The following RGS5 variants were observed in gnomAD, a reference collection of about 807,000 sequenced individuals.
The protein encoded by RGS5 is regulator of G-protein signalling 5.
In RGS5, 20 loss-of-function variants were observed where a neutral mutation model predicts 18.9. That is an observed-to-expected ratio of 1.06 (90% CI 0.74 to 1.54). RGS5 has a LOEUF of 1.54. RGS5 is among the 40% of genes most tolerant of loss of function. The pLI is 0.00. For missense variants in RGS5, 201 were observed against 211.8 expected (o/e 0.95, Z 0.32); for synonymous variants, 57 against 76.2 (o/e 0.75, Z 1.31).
In RGS5 at chr1:163,243,770, T is replaced by TA. The variant is rs1173635052; in HGVS notation, c.-281+62462dup. Among the ~76,000 whole-genome samples, 449 of 134,782 alleles carry TA rather than the reference T, an allele frequency of 3.3e-3. 1 individual carries two copies. Among genetic ancestry groups the TA allele is most frequent in the African/African-American group, 9.6e-3 (349 of 36,476 alleles). The allele number at this position is 134,782 out of a possible 152,430, so 88.4% of individuals were successfully genotyped here. On this transcript the variant is annotated intron_variant, in intron 2 of 5. Transcript: ENST00000618415. Reference sequence around the variant, plus strand: ...TGTATCCCAGAAATTAAAGTAACATTAAAAAAAAAAAAGAAGGAGGAGGCA... The same window carrying TA: ...TGTATCCCAGAAATTAAAGTAACATTAAAAAAAAAAAAAGAAGGAGGAGGCA...
intron 1 of RGS5, among the ~76,000 whole-genome samples, chr1:163,213,647 T>G (rs189932972): frequency 1.3e-5 from 2 of 152,362 alleles, no homozygotes; most frequent in Admixed American, 1.3e-4. Flanking sequence ...ACTCTTTGTT[T>G]ATTTAATCCA....
At chr1:163,187,322 G>T (rs543700000) in intron 1 of RGS5, among the ~76,000 whole-genome samples, 2 of 152,160 alleles carry the variant, frequency 1.3e-5, no homozygotes, top group Non-Finnish European at 2.9e-5. Context: ...GAATGGCTAT[G>T]GCCCCCTAGT....
chr1:163,222,470 T>C (rs1387964138), upstream of RGS5, among the ~76,000 whole-genome samples: 1 of 152,150 alleles, frequency 6.6e-6, no homozygotes, highest in East Asian at 1.9e-4. Flanking sequence ...TCATATCACC[T>C]GACCTCCATA....
At chr1:163,275,923 C>T (rs1648840477) in intron 2 of RGS5, among the ~76,000 whole-genome samples, 1 of 152,074 alleles carries the variant, frequency 6.6e-6, no homozygotes, top group African/African-American at 2.4e-5. Context: ...CCTCCAAATC[C>T]TCCAAATCAA....
chr1:163,304,245 T>G (rs1229219466), intron 2 of RGS5: 1 of 152,182 alleles, frequency 6.6e-6, no homozygotes, highest in East Asian at 1.9e-4. Context: ...CCTGCACTTC[T>G]GGCAGCAATT....
chr1:163,233,679 G>A (rs1647541411), intron 2 of RGS5, among the ~76,000 whole-genome samples: 1 of 152,188 alleles, frequency 6.6e-6, no homozygotes, highest in African/African-American at 2.4e-5. Flanking sequence ...AGGTGGTGGA[G>A]TTAGGAGCAA....
intron 2 of RGS5, among the ~76,000 whole-genome samples, chr1:163,285,292 T>C (rs1313548792): frequency 6.6e-6 from 1 of 152,154 alleles, no homozygotes; most frequent in Non-Finnish European, 1.5e-5. Flanking sequence ...CAGTGGCTCA[T>C]GCCTGTAATC....
intron 1 of RGS5, among the ~76,000 whole-genome samples, chr1:163,191,752 C>T (rs1283076998): frequency 2.0e-5 from 3 of 152,256 alleles, no homozygotes; most frequent in African/African-American, 4.8e-5. Flanking sequence ...AAGAGGACCA[C>T]GTTTTGCTCT....
intron 1 of RGS5, among the ~76,000 whole-genome samples, chr1:163,183,647 A>T (rs1358032953): frequency 6.6e-6 from 1 of 152,238 alleles, no homozygotes; most frequent in African/African-American, 2.4e-5. Flanking sequence ...TTATGCTAAG[A>T]ATTAAATTAG....
intron 3 of RGS5, among the ~76,000 whole-genome samples, chr1:163,155,371 G>C (rs1189366898): frequency 6.6e-6 from 1 of 152,122 alleles, no homozygotes; most frequent in Admixed American, 6.6e-5. Context: ...CCATTTCCTG[G>C]ATACTAATTT....
intron 1 of RGS5, among the ~76,000 whole-genome samples, chr1:163,306,713 T>A (rs1649710430): frequency 6.6e-6 from 1 of 152,158 alleles, no homozygotes. Context: ...ATGACCAATG[T>A]CCTTATTAAA....
At chr1:163,275,479 G>A (rs760512322) in intron 2 of RGS5, among the ~76,000 whole-genome samples, 1 of 152,176 alleles carries the variant, frequency 6.6e-6, no homozygotes, top group Non-Finnish European at 1.5e-5. Flanking sequence ...CTAAAGTCCA[G>A]ATTAAGGGGG....
chr1:163,180,536 C>T (rs1658771190), intron 1 of RGS5, among the ~76,000 whole-genome samples: 3 of 152,032 alleles, frequency 2.0e-5, no homozygotes, highest in Non-Finnish European at 4.4e-5. Context: ...GAGCTGGGCT[C>T]CACCCCAAAG....
At chr1:163,184,579 A>G (rs4132246) in intron 1 of RGS5, among the ~76,000 whole-genome samples, 30,254 of 152,142 alleles carry the variant, frequency 0.2, 3,291 homozygotes, top group African/African-American at 0.29. Flanking sequence ...TGCAGAAGTG[A>G]TAAGTTAAGG....
At chr1:163,182,600 T>G (rs1192762511) in intron 1 of RGS5, among the ~76,000 whole-genome samples, 1 of 152,220 alleles carries the variant, frequency 6.6e-6, no homozygotes, top group African/African-American at 2.4e-5. Flanking sequence ...TATTTCTCTT[T>G]GACCTTAAAT....
chr1:163,219,515 C>G (rs995692516), upstream of RGS5, among the ~76,000 whole-genome samples: 2 of 152,088 alleles, frequency 1.3e-5, no homozygotes, highest in African/African-American at 4.8e-5. Flanking sequence ...TTCACAAGAT[C>G]TAAACCATTT....
intron 3 of RGS5, among the ~76,000 whole-genome samples, chr1:163,154,014 C>T (rs1475528998): frequency 8.5e-5 from 13 of 152,122 alleles, no homozygotes; most frequent in Non-Finnish European, 1.9e-4. Context: ...CACTTTGCCC[C>T]CCAGGGCAGA....
At chr1:163,272,335 T>C (rs969899791) in intron 2 of RGS5, among the ~76,000 whole-genome samples, 18 of 152,130 alleles carry the variant, frequency 1.2e-4, no homozygotes, top group Non-Finnish European at 2.4e-4. Context: ...ACTTTGCAAA[T>C]ATCTTCTGCT....
intron 1 of RGS5, among the ~76,000 whole-genome samples, chr1:163,177,801 T>C (rs1200900619): frequency 2.0e-5 from 3 of 152,240 alleles, no homozygotes; most frequent in Non-Finnish European, 4.4e-5. Context: ...CCTCCACATG[T>C]AATTTTTCCT....
Sources: allele counts gnomAD v4.1 joint callset (sites outside exome capture counted in the v4.1 genomes callset), GRCh38; gene constraint gnomAD v4.1.1; transcripts MANE v1.5; gene names NCBI Gene and HGNC (gene_info 2026-07-23, HGNC 2026-07-21).